THSD4: variants seen among roughly 807,000 people sequenced by gnomAD.
THSD4 encodes the protein thrombospondin type 1 domain containing 4, also known as thrombospondin type-1 domain-containing protein 4.
A neutral mutation model predicts 119.0 loss-of-function variants in THSD4; 69 were observed. The observed-to-expected ratio is 0.58, with a 90% CI of 0.48 to 0.71. THSD4 has a LOEUF of 0.71. THSD4 is among the 30% of genes least tolerant of loss of function. The probability of loss-of-function intolerance (pLI) is 0.00; values close to 1 mark genes in which losing one functional copy is unlikely to be tolerated. For synonymous variants in THSD4, 524 were observed against 540.4 expected, an observed-to-expected ratio of 0.97 and a Z score of 0.42; for missense variants, 1,393 against 1,391.1, an observed-to-expected ratio of 1.00 and a Z score of -0.02.
At chr15:71,174,544 G>A (rs1263118494) in intron 3 of THSD4, among the ~76,000 whole-genome samples, 23 of 3,238 alleles carry the variant, frequency 7.1e-3, no homozygotes, top group African/African-American at 0.026. Context: ...CTGCAAGGCG[G>A]CAACGAGGCT....
chr15:71,674,034 G>A (rs1479286491), intron 8 of THSD4, among the ~76,000 whole-genome samples: 3 of 152,190 alleles, frequency 2.0e-5, no homozygotes, highest in Non-Finnish European at 2.9e-5. Flanking sequence ...CTTCCCAGAA[G>A]AACAAAAAGA....
At position 71,188,283 on chromosome 15, in the gene THSD4, G is replaced by A. The variant is rs552658307; in HGVS notation, c.100-26752G>A. On this transcript the variant is annotated intron_variant, in intron 3 of 17. Transcript: ENST00000261862. ...CGAAGGATGATGATGACTCAAAAAA[G>A]GGGAGAGAGGCTGGCGAAGGTGTGG... Among the ~76,000 whole-genome samples the A allele has an allele frequency of 2.6e-5, 4 of 152,268 alleles. No homozygotes were observed. In the South Asian group the frequency reaches 8.3e-4, roughly 32 times the overall value.
chr15:71,256,901 C>T (rs960713136), intron 6 of THSD4, among the ~76,000 whole-genome samples, 186 bp downstream of exon 6: 8 of 152,208 alleles, frequency 5.3e-5, no homozygotes, highest in African/African-American at 1.4e-4. Flanking sequence ...GCTCAGGTGA[C>T]GCCTGGACCA....
chr15:71,759,840 GA>G (rs1489834762), intron 15 of THSD4, among the ~76,000 whole-genome samples: 1 of 152,110 alleles, frequency 6.6e-6, no homozygotes, highest in East Asian at 1.9e-4. Flanking sequence ...CCCTGGCAAA[GA>G]CAACCTTTAT....
At chr15:71,114,438 G>C (rs1596204220), upstream of THSD4, among the ~76,000 whole-genome samples, 1 of 152,154 alleles carries the variant, frequency 6.6e-6, no homozygotes, top group South Asian at 2.1e-4. Context: ...CTGAAATTTA[G>C]GGAAACGCCT....
chr15:71,771,173 A>T lies in THSD4; in HGVS notation c.2879A>T (p.Glu960Val), dbSNP rs2053816788. The change falls in exon 17 of 18, where the codon GAA (glutamate) becomes GTA (valine). Residue 960 changes from glutamate (E) to valine (V), a missense_variant. By Grantham distance (121) the Glu-to-Val change is moderately radical. Coordinates refer to ENST00000261862, the MANE Select transcript of THSD4 (RefSeq NM_024817.3). ...CCTCAGTTGAAACCAGAAGAGAGAGAATCTTGTAACCCTCAGGACTGTGTC... is the reference window on the plus strand; with the variant it reads ...CCTCAGTTGAAACCAGAAGAGAGAGTATCTTGTAACCCTCAGGACTGTGTC... ...CDPQLKPEER[E>V]SCNPQDCVPE... The T allele has an allele frequency of 6.2e-7, 1 of 1,614,182 alleles. No individual in the cohort carries two copies.
intron 6 of THSD4, among the ~76,000 whole-genome samples, chr15:71,329,200 T>C (rs933161994): frequency 6.6e-6 from 1 of 152,140 alleles, no homozygotes; most frequent in African/African-American, 2.4e-5. Context: ...TTCCCAGCTT[T>C]CCTGACAGGT....
intron 8 of THSD4, among the ~76,000 whole-genome samples, chr15:71,679,194 A>G (rs1159669193): frequency 3.9e-5 from 6 of 152,226 alleles, no homozygotes. Context: ...CTTTGAAAAG[A>G]GACCCAGTGC....
intron 7 of THSD4, among the ~76,000 whole-genome samples, chr15:71,414,997 G>C (rs1477404281): frequency 1.3e-5 from 2 of 152,204 alleles, no homozygotes; most frequent in African/African-American, 4.8e-5. Flanking sequence ...AAAGGGTAAA[G>C]TGTCCTTTTC....
At chr15:71,703,014 T>C (rs1373529627) in intron 8 of THSD4, among the ~76,000 whole-genome samples, 1 of 151,984 alleles carries the variant, frequency 6.6e-6, no homozygotes, top group Non-Finnish European at 1.5e-5. Context: ...GGAGTCTCAC[T>C]CTGTTGCTCA....
At position 71,333,651 on chromosome 15, in the gene THSD4, G is replaced by A. The variant is rs147043096; in HGVS notation, c.1015+76936G>A. Among the ~76,000 whole-genome samples, 342 of 152,106 alleles carry A rather than the reference G, an allele frequency of 2.2e-3. 1 individual carries two copies. Among genetic ancestry groups the A allele is most frequent in the African/African-American group, 7.7e-3 (318 of 41,482 alleles). On this transcript the variant is annotated intron_variant, in intron 6 of 17. Transcript: ENST00000261862. Reference sequence around the variant, plus strand: ...GGCATTTTTTATTTTTCCAAAAATCGGCCAGACTGAGGGTACAAATGGTTG... The same window carrying A: ...GGCATTTTTTATTTTTCCAAAAATCAGCCAGACTGAGGGTACAAATGGTTG...
chr15:71,112,117 A>G (rs1412022863), upstream of THSD4: 4 of 1,613,360 alleles, frequency 2.5e-6, no homozygotes, highest in Admixed American at 3.3e-5. Context: ...GCAGTGAGCC[A>G]TTCATTCCTC....
Position 71,587,060 on chromosome 15 carries a change from A to C in THSD4, c.1153-73470A>C, listed in dbSNP as rs992053386. 6.6e-5 allele frequency among the ~76,000 whole-genome samples: 10 copies of C among 152,016 alleles called. 1 individual carries two copies. In the South Asian group the frequency reaches 8.4e-4, roughly 13 times the overall value. On this transcript the variant is annotated intron_variant, in intron 7 of 17. Transcript: ENST00000261862. ...CTGGCCATCAGAGAAATGCAAATCA[A>C]AACCACTATGAGATATCATCTCACA...
At chr15:71,493,570 A>G (rs1372040798) in intron 7 of THSD4, among the ~76,000 whole-genome samples, 1 of 152,126 alleles carries the variant, frequency 6.6e-6, no homozygotes, top group Admixed American at 6.5e-5. Flanking sequence ...CTATATCAAC[A>G]TTAGTGTTTG....
At chr15:71,273,207 G>A (rs2044553374) in intron 6 of THSD4, among the ~76,000 whole-genome samples, 1 of 152,190 alleles carries the variant, frequency 6.6e-6, no homozygotes. Context: ...ATACGATTCA[G>A]CCTGAAAGAA....
At chr15:71,172,967 T>C (rs376954791) in intron 3 of THSD4, among the ~76,000 whole-genome samples, 15 of 151,470 alleles carry the variant, frequency 9.9e-5, no homozygotes, top group East Asian at 7.8e-4. Flanking sequence ...GCAAAAACAA[T>C]ACAAGGATGC....
chr15:71,717,264 G>A (rs2052628017), intron 8 of THSD4, among the ~76,000 whole-genome samples: 1 of 152,208 alleles, frequency 6.6e-6, no homozygotes, highest in Non-Finnish European at 1.5e-5. Context: ...GATTGGCTAA[G>A]TAAACTGAGG....
intron 7 of THSD4, among the ~76,000 whole-genome samples, chr15:71,557,908 TAA>T (rs1295234256): frequency 6.6e-6 from 1 of 152,192 alleles, no homozygotes; most frequent in African/African-American, 2.4e-5. Context: ...CTAATCTTCA[TAA>T]AAAAATCAAC....
At chr15:71,544,728 C>T (rs548388741) in intron 7 of THSD4, among the ~76,000 whole-genome samples, 10 of 152,286 alleles carry the variant, frequency 6.6e-5, no homozygotes, top group South Asian at 4.2e-4. Flanking sequence ...AAGCATTATG[C>T]GTAACAGCCA....
Sources: allele counts gnomAD v4.1 joint callset (sites outside exome capture counted in the v4.1 genomes callset), GRCh38; gene constraint gnomAD v4.1.1; transcripts MANE v1.5; gene names NCBI Gene and HGNC (gene_info 2026-07-23, HGNC 2026-07-21).